Variants in BIRC2 observed in about 807,000 individuals in gnomAD.
The protein encoded by BIRC2 is baculoviral IAP repeat-containing protein 2.
BIRC2 carries 18 observed loss-of-function variants against 60.9 expected under a neutral mutation model. The ratio of observed to expected loss-of-function variants is 0.30; its 90% CI spans 0.20 to 0.44. The LOEUF (loss-of-function observed/expected upper bound fraction) is 0.44. BIRC2 is among the 20% of genes least tolerant of loss of function. BIRC2 has a pLI of 1.00. For missense variants in BIRC2, 701 were observed against 728.5 expected, an observed-to-expected ratio of 0.96 and a Z score of 0.43; for synonymous variants, 282 against 247.7, an observed-to-expected ratio of 1.14 and a Z score of -1.30.
intron 5 of BIRC2, among the ~76,000 whole-genome samples, chr11:102,364,031 C>G (rs927904009): frequency 6.7e-6 from 1 of 150,148 alleles, no homozygotes; most frequent in Non-Finnish European, 1.5e-5. Context: ...TCCTGGGCAA[C>G]AGAGCGAAAC....
At chr11:102,364,894 T>C (rs1029269147) in intron 5 of BIRC2, among the ~76,000 whole-genome samples, 6 of 152,248 alleles carry the variant, frequency 3.9e-5, no homozygotes, top group African/African-American at 1.4e-4. Context: ...TCTTAAAATT[T>C]ATAACCACTG....
At chr11:102,363,763 A>G (rs750014623) in intron 5 of BIRC2, 47 bp downstream of exon 5, 1 of 1,501,036 alleles carries the variant, frequency 6.7e-7, no homozygotes. Flanking sequence ...TTTTATAAGA[A>G]TTTTAGGAAT....
intron 6 of BIRC2, among the ~76,000 whole-genome samples, chr11:102,371,857 T>G (rs940805034): frequency 2.0e-5 from 3 of 152,134 alleles, no homozygotes; most frequent in Non-Finnish European, 4.4e-5. Flanking sequence ...CTGTTATTGG[T>G]CTATTCAGAG....
At chr11:102,375,143 G>C (rs980824486) in intron 6 of BIRC2, among the ~76,000 whole-genome samples, 4 of 152,218 alleles carry the variant, frequency 2.6e-5, no homozygotes, top group African/African-American at 9.6e-5. Context: ...CGCTCACGCT[G>C]GGAGCTGTAC....
At chr11:102,364,930 C>T (rs954319799) in intron 5 of BIRC2, among the ~76,000 whole-genome samples, 3 of 152,200 alleles carry the variant, frequency 2.0e-5, no homozygotes, top group Non-Finnish European at 4.4e-5. Flanking sequence ...CCCTGCAGTT[C>T]TACCATAGGT....
At chr11:102,358,114 G>C (rs1158767745) in intron 3 of BIRC2, among the ~76,000 whole-genome samples, 1 of 152,104 alleles carries the variant, frequency 6.6e-6, no homozygotes, top group Admixed American at 6.5e-5. Flanking sequence ...TAGGATTTCA[G>C]TCTTCCTCAG....
chr11:102,378,265 G>T lies in BIRC2; in HGVS notation c.*82G>T. ...ACTTGAAGCCATCTAAAGTAAAAAG[G>T]GAATTATGAGTTTTTCAATTAGTAA... On this transcript the variant is annotated 3_prime_UTR_variant, in exon 9 of 9. Transcript: ENST00000227758. 2.7e-6 allele frequency: 3 copies of T among 1,111,574 alleles called. No homozygotes were observed. The highest frequency in any genetic ancestry group is 2.1e-5 in the South Asian group (1 of 46,846). The allele number at this position is 1,111,574 out of a possible 1,614,324, so 68.9% of individuals were successfully genotyped here. A position where few individuals can be genotyped will look rare whatever the true frequency, so the allele number is the denominator to read the frequency against.
intron 6 of BIRC2, among the ~76,000 whole-genome samples, chr11:102,372,507 T>G (rs1386773046): frequency 6.6e-6 from 1 of 152,176 alleles, no homozygotes; most frequent in Admixed American, 6.5e-5. Flanking sequence ...TGAGTTCTAG[T>G]TTGATTGCAC....
intron 5 of BIRC2, among the ~76,000 whole-genome samples, chr11:102,366,320 C>T (rs35253642): frequency 6.6e-6 from 1 of 151,812 alleles, no homozygotes; most frequent in East Asian, 1.9e-4. Flanking sequence ...CTTTTCATTT[C>T]TGTCTTCATA....
intron 3 of BIRC2, among the ~76,000 whole-genome samples, chr11:102,361,711 G>C (rs1173229268): frequency 6.6e-6 from 1 of 152,164 alleles, no homozygotes; most frequent in Non-Finnish European, 1.5e-5. Context: ...AGCAGTCTTT[G>C]CCACTGAGGA....
chr11:102,377,025 G>C (rs536333513), intron 6 of BIRC2, among the ~76,000 whole-genome samples: 46 of 152,170 alleles, frequency 3.0e-4, no homozygotes, highest in African/African-American at 9.6e-4. Context: ...TGGTTCTGCA[G>C]CTTATTCTTT....
chr11:102,364,784 G>A (rs577738348), intron 5 of BIRC2, among the ~76,000 whole-genome samples: 2 of 148,002 alleles, frequency 1.4e-5, no homozygotes, highest in South Asian at 4.2e-4. Flanking sequence ...CTGGAAAATA[G>A]GAAGGAGAGT....
At chr11:102,374,810 A>G (rs912888731) in intron 6 of BIRC2, among the ~76,000 whole-genome samples, 1 of 152,204 alleles carries the variant, frequency 6.6e-6, no homozygotes, top group Non-Finnish European at 1.5e-5. Context: ...TGTGCTAGCA[A>G]TCAGCGAGAC....
intron 3 of BIRC2, 110 bp downstream of exon 3, chr11:102,351,053 C>T: frequency 1.0e-6 from 1 of 952,506 alleles, no homozygotes; most frequent in South Asian, 1.7e-5. Context: ...TCTTTTATGC[C>T]ATTGGGGAAT....
intron 6 of BIRC2, among the ~76,000 whole-genome samples, chr11:102,371,605 C>T (rs1216882105): frequency 6.8e-6 from 1 of 148,008 alleles, no homozygotes; most frequent in African/African-American, 2.5e-5. Flanking sequence ...CAATGTTCAT[C>T]AAGGATATTG....
At chr11:102,358,913 C>CAGCT (rs1321816424) in intron 3 of BIRC2, among the ~76,000 whole-genome samples, 2 of 152,276 alleles carry the variant, frequency 1.3e-5, no homozygotes, top group East Asian at 3.9e-4. Context: ...TTTATCCATT[C>CAGCT]AGCTGCTCTT....
rs540904458 is a variant in BIRC2, at chr11:102,355,365, A to G, written c.995+4422A>G. ...CAGTTTTCCCAACACCGTTTGTTAA[A>G]GAGACTTATCATTTCAACATTGTGT... On this transcript the variant is annotated intron_variant, in intron 3 of 8. Coordinates refer to ENST00000227758, the MANE Select transcript of BIRC2 (RefSeq NM_001166.5). Among the ~76,000 whole-genome samples the G allele has an allele frequency of 2.6e-5, 4 of 152,316 alleles. No individual in the cohort carries two copies. The East Asian group carries it at 7.7e-4, about 29-fold the overall frequency.
In BIRC2 at chr11:102,378,558, T is replaced by A. The variant is rs533601154; in HGVS notation, c.*375T>A. On this transcript the variant is annotated 3_prime_UTR_variant, in exon 9 of 9. Transcript: ENST00000227758. ...CCAGGAACTCTGGAGTTCATCAGAGTTATGGTGCCGAATTGTCTTTGGTGC... is the reference window on the plus strand; with the variant it reads ...CCAGGAACTCTGGAGTTCATCAGAGATATGGTGCCGAATTGTCTTTGGTGC... 1.3e-5 allele frequency: 2 copies of A among 156,732 alleles called. No homozygotes were observed. The highest frequency in any genetic ancestry group is 4.8e-5 in the African/African-American group (2 of 41,754). The allele number at this position is 156,732 out of a possible 1,614,324, so 9.7% of individuals were successfully genotyped here. A position where few individuals can be genotyped will look rare whatever the true frequency, so the allele number is the denominator to read the frequency against.
At chr11:102,375,921 T>C (rs1034309484) in intron 6 of BIRC2, among the ~76,000 whole-genome samples, 1 of 152,040 alleles carries the variant, frequency 6.6e-6, no homozygotes, top group African/African-American at 2.4e-5. Flanking sequence ...AAATGAGATA[T>C]TGCAAATAAA....
Sources: allele counts gnomAD v4.1 joint callset (sites outside exome capture counted in the v4.1 genomes callset), GRCh38; gene constraint gnomAD v4.1.1; transcripts MANE v1.5; gene names NCBI Gene and HGNC (gene_info 2026-07-23, HGNC 2026-07-21).